The following CDYL variants were observed in gnomAD, a reference collection of about 807,000 sequenced individuals.
The protein encoded by CDYL is chromodomain Y-like protein.
CDYL carries 8 observed loss-of-function variants against 47.3 expected under a neutral mutation model. That is an observed-to-expected ratio of 0.17 (90% CI 0.10 to 0.31). The LOEUF (loss-of-function observed/expected upper bound fraction) is 0.31, where lower values mean the gene tolerates loss of function less well. Ranked by LOEUF, CDYL falls within the 10% of genes least tolerant of loss-of-function variation. The pLI is 1.00. For synonymous variants in CDYL, 266 were observed against 265.0 expected (o/e 1.00, Z -0.04); for missense variants, 471 against 701.4 (o/e 0.67, Z 3.71).
At position 4,731,820 on chromosome 6, in the gene CDYL, C is replaced by CAA. The variant is rs538861324; in HGVS notation, c.104-2931_104-2930dup. On this transcript the variant is annotated intron_variant, in intron 2 of 8. Coordinates refer to the CDYL transcript ENST00000328908. ...TGAGTGACAGAGAAAGACTCTGTCTCAAAAAAAAAAAAGAAATCATTGCCT... is the reference window on the plus strand; with the variant it reads ...TGAGTGACAGAGAAAGACTCTGTCTCAAAAAAAAAAAAAAGAAATCATTGCCT... Among the ~76,000 whole-genome samples, 115 of 120,862 alleles carry CAA rather than the reference C, an allele frequency of 9.5e-4. 1 individual carries two copies. In the South Asian group the frequency reaches 0.018, roughly 19 times the overall value. The allele number at this position is 120,862 out of a possible 152,430, so 79.3% of individuals were successfully genotyped here.
chr6:4,891,204 G>A (rs1474172344), intron 1 of CDYL, among the ~76,000 whole-genome samples: 4 of 152,182 alleles, frequency 2.6e-5, no homozygotes, highest in Non-Finnish European at 5.9e-5. Context: ...GACCTTTTTA[G>A]TTTTAATTGA....
intron 1 of CDYL, among the ~76,000 whole-genome samples, chr6:4,847,111 G>A (rs925283823): frequency 6.6e-6 from 1 of 152,210 alleles, no homozygotes; most frequent in Admixed American, 6.5e-5. Context: ...GACCACCCAG[G>A]AATGCCACCA....
rs374085683 is a variant in CDYL at position 4,933,077 on chromosome 6, G to A, written c.692-2438G>A. Among the ~76,000 whole-genome samples, 56 of 152,286 alleles carry A rather than the reference G, an allele frequency of 3.7e-4. 2 individuals are homozygous for A. The East Asian group carries it at 8.3e-3, about 23-fold the overall frequency. On this transcript the variant is annotated intron_variant, in intron 2 of 6. Coordinates refer to ENST00000397588, the MANE Select transcript of CDYL (RefSeq NM_004824.4). ...TGTGGCCTGCTCTCCTTCCTTTGAGGAAACCAGTTATTATTGCCTTCCTGC... is the reference window on the plus strand; with the variant it reads ...TGTGGCCTGCTCTCCTTCCTTTGAGAAAACCAGTTATTATTGCCTTCCTGC...
intron 2 of CDYL, among the ~76,000 whole-genome samples, chr6:4,718,279 G>T (rs548438779): frequency 3.3e-5 from 5 of 150,510 alleles, no homozygotes; most frequent in Non-Finnish European, 7.4e-5. Flanking sequence ...GGTGGTGGTG[G>T]TTTTTTTCTG....
At chr6:4,930,653 G>A (rs1758006276) in intron 2 of CDYL, among the ~76,000 whole-genome samples, 2 of 152,216 alleles carry the variant, frequency 1.3e-5, no homozygotes, top group South Asian at 4.1e-4. Context: ...TGGGAAGAGG[G>A]TGTCACAAGT....
At chr6:4,937,505 A>AG in intron 3 of CDYL, 60 bp from the exon 4 acceptor site, 1 of 1,341,912 alleles carries the variant, frequency 7.5e-7, no homozygotes, top group Non-Finnish European at 9.8e-7. Context: ...AAAAAAAAAA[A>AG]TGCTTTAAGA....
intron 1 of CDYL, 34 bp from the exon 2 acceptor site, chr6:4,891,679 T>A: frequency 6.5e-7 from 1 of 1,537,828 alleles, no homozygotes; most frequent in South Asian, 1.2e-5. Flanking sequence ...AAATTTTGAT[T>A]TTTTTAAAAC....
chr6:4,885,938 A>T (rs1761889596), intron 1 of CDYL, among the ~76,000 whole-genome samples: 1 of 152,184 alleles, frequency 6.6e-6, no homozygotes, highest in African/African-American at 2.4e-5. Context: ...AGGCCTAAGC[A>T]GCCACTAGTC....
At chr6:4,732,813 A>G (rs1318286922) in intron 2 of CDYL, among the ~76,000 whole-genome samples, 1 of 152,204 alleles carries the variant, frequency 6.6e-6, no homozygotes, top group Non-Finnish European at 1.5e-5. Flanking sequence ...GGAAAATGAA[A>G]GAAAAGATAG....
rs545376268 is a variant in CDYL, at chr6:4,827,941, C to T, written c.24+51134C>T. ...AAGTGTTGGAATTACAGGCGGGAGC[C>T]ATCGCACCCAGCCTGTGTATTTCTC... On this transcript the variant is annotated intron_variant, in intron 1 of 6. Transcript: ENST00000397588. Among the ~76,000 whole-genome samples, 258 of 152,320 alleles carry T rather than the reference C, an allele frequency of 1.7e-3. 2 individuals carry two copies. Among genetic ancestry groups the T allele is most frequent in the South Asian group, 2.5e-3 (12 of 4,830 alleles).
At chr6:4,885,275 T>C (rs892952015) in intron 1 of CDYL, among the ~76,000 whole-genome samples, 2 of 152,198 alleles carry the variant, frequency 1.3e-5, no homozygotes, top group Non-Finnish European at 2.9e-5. Context: ...ATTACAGACG[T>C]GAGCTACTGT....
chr6:4,887,823 T>C (rs1165613968), intron 1 of CDYL, among the ~76,000 whole-genome samples: 1 of 152,054 alleles, frequency 6.6e-6, no homozygotes, highest in African/African-American at 2.4e-5. Context: ...TTTGTGTGTT[T>C]TTCATAGATT....
intron 1 of CDYL, among the ~76,000 whole-genome samples, chr6:4,828,741 A>G (rs1380313549): frequency 1.3e-5 from 2 of 151,950 alleles, no homozygotes; most frequent in Middle Eastern, 3.2e-3. Context: ...TCCATAATTT[A>G]TTTGTTGGTA....
chr6:4,834,913 T>G (rs1760252640), intron 1 of CDYL, among the ~76,000 whole-genome samples: 1 of 152,238 alleles, frequency 6.6e-6, no homozygotes, highest in Non-Finnish European at 1.5e-5. Context: ...GAGCCTTGGC[T>G]TTCAGCTCCA....
chr6:4,922,564 C>G (rs1581266644), intron 2 of CDYL, among the ~76,000 whole-genome samples: 1 of 152,158 alleles, frequency 6.6e-6, no homozygotes, highest in Admixed American at 6.5e-5. Flanking sequence ...TAACGAGCAG[C>G]ACGGCGTAAT....
intron 2 of CDYL, among the ~76,000 whole-genome samples, chr6:4,930,111 C>T (rs1041277970): frequency 2.6e-5 from 4 of 152,238 alleles, no homozygotes; most frequent in Non-Finnish European, 5.9e-5. Flanking sequence ...GGTCTCTCTA[C>T]TGAATGCCTC....
chr6:4,839,771 G>T (rs1760432975), intron 1 of CDYL, among the ~76,000 whole-genome samples: 1 of 152,068 alleles, frequency 6.6e-6, no homozygotes, highest in Non-Finnish European at 1.5e-5. Flanking sequence ...CTGTTCCATT[G>T]GTCTATGTGC....
intron 3 of CDYL, among the ~76,000 whole-genome samples, chr6:4,745,666 G>C (rs953265939): frequency 8.5e-5 from 13 of 152,358 alleles, no homozygotes; most frequent in Middle Eastern, 6.8e-3. Context: ...AGTGTCACCA[G>C]GGTCAAAGCC....
chr6:4,927,590 A>AT (rs1383604966), intron 2 of CDYL, among the ~76,000 whole-genome samples: 1 of 151,932 alleles, frequency 6.6e-6, no homozygotes, highest in Non-Finnish European at 1.5e-5. Context: ...TAATTTTTGC[A>AT]TTTTTAGTAG....
Sources: allele counts gnomAD v4.1 joint callset (sites outside exome capture counted in the v4.1 genomes callset), GRCh38; gene constraint gnomAD v4.1.1; transcripts MANE v1.5; gene names NCBI Gene and HGNC (gene_info 2026-07-23, HGNC 2026-07-21).